Variants in PDZD2 observed in about 807,000 individuals in gnomAD.
The protein encoded by PDZD2 is PDZ domain-containing protein 2.
A neutral mutation model predicts 220.7 loss-of-function variants in PDZD2; 90 were observed. That is an observed-to-expected ratio of 0.41 (90% CI 0.34 to 0.49). PDZD2 has a LOEUF of 0.49. Ranked by LOEUF, PDZD2 falls within the 20% of genes least tolerant of loss-of-function variation. The pLI, the probability that PDZD2 is intolerant of heterozygous loss-of-function variation, is 0.28. For synonymous variants in PDZD2, 1,375 were observed against 1,450.5 expected (o/e 0.95, Z 1.18); for missense variants, 3,174 against 3,608.5 (o/e 0.88, Z 3.08).
At chr5:31,979,168 A>C (rs577455050) in intron 2 of PDZD2, among the ~76,000 whole-genome samples, 3 of 152,332 alleles carry the variant, frequency 2.0e-5, no homozygotes, top group African/African-American at 7.2e-5. Context: ...CGTATTTAAT[A>C]AAAAGTAGAT....
At chr5:31,968,674 CA>C (rs201501395) in intron 2 of PDZD2, among the ~76,000 whole-genome samples, 1 of 151,384 alleles carries the variant, frequency 6.6e-6, no homozygotes, top group African/African-American at 2.4e-5. Context: ...AACAAACAAA[CA>C]AAAAAAACAA....
At chr5:31,774,499 A>G (rs1580728471) in intron 1 of PDZD2, among the ~76,000 whole-genome samples, 1 of 152,284 alleles carries the variant, frequency 6.6e-6, no homozygotes, top group East Asian at 1.9e-4. Flanking sequence ...AGATCACGTG[A>G]GGTCAGGAGT....
intron 2 of PDZD2, among the ~76,000 whole-genome samples, chr5:31,920,273 G>A (rs996912854): frequency 2.0e-5 from 3 of 147,962 alleles, no homozygotes; most frequent in African/African-American, 7.3e-5. Flanking sequence ...AACAGAGTGA[G>A]ACCCGGTTTC....
At chr5:32,042,456 C>G (rs1025314405) in intron 7 of PDZD2, among the ~76,000 whole-genome samples, 8 of 151,794 alleles carry the variant, frequency 5.3e-5, no homozygotes, top group Non-Finnish European at 1.0e-4. Flanking sequence ...GCCTATAATC[C>G]CAGCTACTCG....
intron 2 of PDZD2, chr5:31,822,646 G>T: frequency 7.5e-7 from 1 of 1,334,784 alleles, no homozygotes; most frequent in Non-Finnish European, 1.0e-6. Flanking sequence ...TAACCTTGTG[G>T]CTTGCTGAAT....
intron 1 of PDZD2, among the ~76,000 whole-genome samples, chr5:31,728,325 A>T (rs1749303877): frequency 6.6e-6 from 1 of 152,152 alleles, no homozygotes; most frequent in South Asian, 2.1e-4. Context: ...CCCTTGAGAA[A>T]TGCTGCCCTA....
chr5:31,702,181 A>C (rs1286616524), intron 1 of PDZD2, among the ~76,000 whole-genome samples: 1 of 152,118 alleles, frequency 6.6e-6, no homozygotes, highest in Non-Finnish European at 1.5e-5. Context: ...AGGGGGTGAG[A>C]GTTATGGAGT....
intron 2 of PDZD2, among the ~76,000 whole-genome samples, chr5:31,956,419 A>T (rs1747693557): frequency 6.7e-6 from 1 of 148,238 alleles, no homozygotes; most frequent in Admixed American, 6.7e-5. Context: ...ATGAAAGAGG[A>T]GATGTTAGTC....
At chr5:31,849,996 A>G (rs1335125811) in intron 2 of PDZD2, among the ~76,000 whole-genome samples, 2,992 of 24,416 alleles carry the variant, frequency 0.12, 689 homozygotes, top group African/African-American at 0.4. Flanking sequence ...ATATATACAC[A>G]TATATATATA....
At chr5:31,696,006 C>G (rs1202682039) in intron 1 of PDZD2, among the ~76,000 whole-genome samples, 4 of 152,142 alleles carry the variant, frequency 2.6e-5, no homozygotes, top group Non-Finnish European at 4.4e-5. Flanking sequence ...TTCTCTATTT[C>G]CATAGCCTCT....
intron 2 of PDZD2, among the ~76,000 whole-genome samples, chr5:31,842,470 C>A (rs1482489282): frequency 6.6e-6 from 1 of 152,222 alleles, no homozygotes; most frequent in Non-Finnish European, 1.5e-5. Context: ...GTCAACCACA[C>A]AGCCTTCCAA....
intron 1 of PDZD2, among the ~76,000 whole-genome samples, chr5:31,781,405 C>G: frequency 6.6e-6 from 1 of 152,156 alleles, no homozygotes; most frequent in Non-Finnish European, 1.5e-5. Context: ...CAGAGCCAGA[C>G]TCCATCTCAA....
intron 2 of PDZD2, among the ~76,000 whole-genome samples, chr5:31,954,826 C>T (rs1223343617): frequency 6.6e-6 from 1 of 152,100 alleles, no homozygotes; most frequent in Non-Finnish European, 1.5e-5. Flanking sequence ...ATCCTAGCTG[C>T]TCGGGAAGCT....
At chr5:31,715,050 CTCTG>C (rs1365402123) in intron 1 of PDZD2, among the ~76,000 whole-genome samples, 6 of 26,834 alleles carry the variant, frequency 2.2e-4, no homozygotes, top group Admixed American at 2.1e-3. Context: ...CAGAGCGACA[CTCTG>C]TCTAAAAAAA....
rs998503514 is a variant in PDZD2 at position 32,075,679 on chromosome 5, T to A, written c.3537+1036T>A. 1.4e-3 allele frequency among the ~76,000 whole-genome samples: 211 copies of A among 152,282 alleles called. 1 individual carries two copies. The highest frequency in any genetic ancestry group is 4.9e-3 in the African/African-American group (202 of 41,550). The stretch of plus-strand genomic sequence containing the variant: ...TTTATCAAGGAGACAGTACGAGAAA[T>A]CAATGTTGTTTATAATCTCCTTAAC... On this transcript the variant is annotated intron_variant, in intron 18 of 24. Transcript: ENST00000438447.
At chr5:32,025,033 G>T (rs1442073330) in intron 6 of PDZD2, among the ~76,000 whole-genome samples, 3 of 152,200 alleles carry the variant, frequency 2.0e-5, no homozygotes, top group Admixed American at 2.0e-4. Flanking sequence ...CTTCCTGTGG[G>T]CTCACCAGCA....
chr5:31,664,831 TC>T (rs1359408447), intron 1 of PDZD2: 3 of 152,362 alleles, frequency 2.0e-5, no homozygotes, highest in East Asian at 1.9e-4. Context: ...CCCACCAATG[TC>T]CTAGGGCTGC....
intron 2 of PDZD2, among the ~76,000 whole-genome samples, chr5:31,887,059 A>G (rs977807149): frequency 1.2e-4 from 18 of 152,196 alleles, no homozygotes; most frequent in African/African-American, 3.9e-4. Context: ...TGTGCCATGC[A>G]TAGTTGGACT....
intron 1 of PDZD2, among the ~76,000 whole-genome samples, chr5:31,745,572 C>T (rs1750550943): frequency 6.6e-6 from 1 of 152,158 alleles, no homozygotes; most frequent in Admixed American, 6.5e-5. Context: ...TTTCACGCTC[C>T]CTCTCACCTT....
Sources: allele counts gnomAD v4.1 joint callset (sites outside exome capture counted in the v4.1 genomes callset), GRCh38; gene constraint gnomAD v4.1.1; transcripts MANE v1.5; gene names NCBI Gene and HGNC (gene_info 2026-07-23, HGNC 2026-07-21).